The following KCTD16 variants were observed in gnomAD, a reference collection of about 807,000 sequenced individuals.
KCTD16 encodes the protein BTB/POZ domain-containing protein KCTD16.
KCTD16 carries 13 observed loss-of-function variants against 33.2 expected under a neutral mutation model. That is an observed-to-expected ratio of 0.39 (90% CI 0.25 to 0.62). The LOEUF (loss-of-function observed/expected upper bound fraction) is 0.62. KCTD16 is among the 20% of genes least tolerant of loss of function. KCTD16 has a pLI of 0.50. For synonymous variants in KCTD16, 197 were observed against 195.3 expected (o/e 1.01, Z -0.07); for missense variants, 441 against 525.1 (o/e 0.84, Z 1.57).
chr5:144,290,054 G>A (rs555606438), intron 3 of KCTD16, among the ~76,000 whole-genome samples: 2 of 152,304 alleles, frequency 1.3e-5, no homozygotes, highest in South Asian at 4.1e-4. Context: ...GCCAAGGCGA[G>A]TGAATCATTT....
At chr5:144,174,901 C>T (rs1046602151) in intron 2 of KCTD16, among the ~76,000 whole-genome samples, 1 of 152,114 alleles carries the variant, frequency 6.6e-6, no homozygotes, top group Admixed American at 6.6e-5. Flanking sequence ...AGTAACAAAC[C>T]TTTCTAATGT....
intron 3 of KCTD16, among the ~76,000 whole-genome samples, chr5:144,354,355 C>T (rs933036362): frequency 1.1e-4 from 17 of 152,118 alleles, no homozygotes; most frequent in Non-Finnish European, 2.2e-4. Flanking sequence ...GCCATGGACT[C>T]CTTTGAGAAT....
chr5:144,204,874 A>C (rs554790602), intron 2 of KCTD16, among the ~76,000 whole-genome samples: 4 of 151,964 alleles, frequency 2.6e-5, no homozygotes, highest in Non-Finnish European at 5.9e-5. Context: ...GTTTAAATCA[A>C]AGGATTAAAA....
chr5:144,246,600 T>C (rs1046709496), intron 3 of KCTD16, among the ~76,000 whole-genome samples: 1 of 152,228 alleles, frequency 6.6e-6, no homozygotes, highest in African/African-American at 2.4e-5. Flanking sequence ...TTGTGTACCC[T>C]ATCTCCATAT....
At chr5:144,200,525 A>C (rs1462916622) in intron 2 of KCTD16, among the ~76,000 whole-genome samples, 1 of 152,208 alleles carries the variant, frequency 6.6e-6, no homozygotes, top group Non-Finnish European at 1.5e-5. Context: ...ACTTCCTAGA[A>C]TGTCTGAAGA....
intron 3 of KCTD16, among the ~76,000 whole-genome samples, chr5:144,321,989 G>GA (rs1294760066): frequency 6.6e-6 from 1 of 151,872 alleles, no homozygotes; most frequent in African/African-American, 2.4e-5. Flanking sequence ...AAGGAGTAAA[G>GA]AAAAAATACA....
Position 144,206,456 on chromosome 5 carries a change from A to G in KCTD16, c.-259A>G, listed in dbSNP as rs1753174015. ...GAGCTTGATGGAAGATTGGATATAG[A>G]CGAGTTGATTATATTTTATGAAGTA... On this transcript the variant is annotated 5_prime_UTR_variant, in exon 3 of 4. Transcript: ENST00000512467. The G allele has an allele frequency of 2.5e-6, 1 of 406,572 alleles. No individual in the cohort carries two copies. Among genetic ancestry groups the G allele is most frequent in the African/African-American group, 2.0e-5 (1 of 49,670 alleles). 25.2% of individuals were successfully genotyped at this position (406,572 alleles called of 1,614,324 possible).
At chr5:144,246,090 G>C (rs889525159) in intron 3 of KCTD16, among the ~76,000 whole-genome samples, 2 of 152,136 alleles carry the variant, frequency 1.3e-5, no homozygotes, top group African/African-American at 4.8e-5. Context: ...ATGATGTTAT[G>C]AGTAAGGATG....
chr5:144,390,178 CT>C (rs920423434), intron 3 of KCTD16, among the ~76,000 whole-genome samples: 6 of 152,184 alleles, frequency 3.9e-5, no homozygotes, highest in African/African-American at 1.2e-4. Flanking sequence ...ATTTAGTACC[CT>C]TTTCTATATG....
At chr5:144,433,333 A>G (rs1470038870) in intron 3 of KCTD16, among the ~76,000 whole-genome samples, 1 of 152,142 alleles carries the variant, frequency 6.6e-6, no homozygotes, top group Non-Finnish European at 1.5e-5. Context: ...GGCATGAGGC[A>G]ATATGGACTG....
intron 3 of KCTD16, among the ~76,000 whole-genome samples, chr5:144,387,224 G>C (rs561612503): frequency 7.2e-6 from 1 of 138,646 alleles, no homozygotes; most frequent in Non-Finnish European, 1.5e-5. Flanking sequence ...GTGATCTTCT[G>C]CTTCAGACTC....
intron 2 of KCTD16, among the ~76,000 whole-genome samples, chr5:144,197,150 A>T (rs549914642): frequency 2.6e-4 from 39 of 152,252 alleles, no homozygotes; most frequent in Non-Finnish European, 1.0e-4. Flanking sequence ...GTACCTTGAC[A>T]AAATACTTTT....
At chr5:144,447,529 A>G (rs1753847619) in intron 3 of KCTD16, among the ~76,000 whole-genome samples, 1 of 152,092 alleles carries the variant, frequency 6.6e-6, no homozygotes, top group Non-Finnish European at 1.5e-5. Context: ...CACGTTCCAC[A>G]CATGTATCCC....
At position 144,241,751 on chromosome 5, in the gene KCTD16, G is replaced by A. The variant is rs570368855; in HGVS notation, c.832+34205G>A. Reference sequence around the variant, plus strand: ...CATTTGCATTATCATTTCTGAATGAGTGGATTAGTGGCTATGAAAAATTAA... The same window carrying A: ...CATTTGCATTATCATTTCTGAATGAATGGATTAGTGGCTATGAAAAATTAA... On this transcript the variant is annotated intron_variant, in intron 3 of 3. Transcript: ENST00000512467. Among the ~76,000 whole-genome samples, 4 of 152,300 alleles carry A rather than the reference G, an allele frequency of 2.6e-5. No homozygotes were observed. The East Asian group carries it at 5.8e-4, about 22-fold the overall frequency.
At position 144,427,975 on chromosome 5, in the gene KCTD16, ATAGCT is replaced by A. The variant is rs564288616; in HGVS notation, c.833-45680_833-45676del. 3.7e-4 allele frequency among the ~76,000 whole-genome samples: 56 copies of A among 152,256 alleles called. 1 individual carries two copies. In the South Asian group the frequency reaches 8.7e-3, roughly 24 times the overall value. On this transcript the variant is annotated intron_variant, in intron 3 of 3. Coordinates refer to ENST00000512467, the MANE Select transcript of KCTD16 (RefSeq NM_020768.4). ...CCAGCAATAGGTTGTGATTATTGAA[ATAGCT>A]TAGCACAGTATCTGTCACAGAGTAA...
chr5:144,340,589 T>C (rs1046981037), intron 3 of KCTD16, among the ~76,000 whole-genome samples: 1 of 151,924 alleles, frequency 6.6e-6, no homozygotes, highest in Non-Finnish European at 1.5e-5. Context: ...ACCCCTAATA[T>C]GATAGTATTA....
intron 3 of KCTD16, among the ~76,000 whole-genome samples, chr5:144,401,020 G>C (rs76586452): frequency 6.6e-6 from 1 of 151,250 alleles, no homozygotes; most frequent in Non-Finnish European, 1.5e-5. Context: ...AGTTTGGAAA[G>C]GTAGGCAGGG....
At chr5:144,353,340 C>A (rs1213876534) in intron 3 of KCTD16, among the ~76,000 whole-genome samples, 2 of 152,112 alleles carry the variant, frequency 1.3e-5, no homozygotes, top group Admixed American at 1.3e-4. Context: ...TTTCTCTGAT[C>A]AAGGGAGTGG....
chr5:144,363,722 T>C (rs1315360070), intron 3 of KCTD16, among the ~76,000 whole-genome samples: 1 of 152,156 alleles, frequency 6.6e-6, no homozygotes, highest in African/African-American at 2.4e-5. Context: ...CATTTCATTC[T>C]CATCTCACAT....
Sources: gnomAD v4.1 joint callset for allele counts (sites outside exome capture counted in the v4.1 genomes callset) on GRCh38, gnomAD v4.1.1 for gene constraint, MANE v1.5 for transcripts, NCBI Gene and HGNC (gene_info 2026-07-23, HGNC 2026-07-21) for gene names.